TMC1: variants seen among roughly 807,000 people sequenced by gnomAD.
The protein encoded by TMC1 is transmembrane channel-like protein 1.
Under a neutral mutation model 105.8 loss-of-function variants are expected in TMC1, and 84 were observed. That is an observed-to-expected ratio of 0.79 (90% confidence interval 0.67 to 0.95). The LOEUF (loss-of-function observed/expected upper bound fraction) is 0.95. TMC1 is among the 40% of genes least tolerant of loss of function. The pLI is 0.00. For missense variants in TMC1, 817 were observed against 914.1 expected, an observed-to-expected ratio of 0.89 and a Z score of 1.37; for synonymous variants, 315 against 311.5, an observed-to-expected ratio of 1.01 and a Z score of -0.12.
rs57085174 is a variant in TMC1 at position 72,724,454 on chromosome 9, G to A, written c.363-15665G>A. ...CTCATGGCCGAATTATCTCTTAAAG[G>A]TCCCATCTCTTACTACTGTTACAAT... On this transcript the variant is annotated intron_variant, in intron 8 of 23. Coordinates refer to ENST00000297784, the MANE Select transcript of TMC1 (RefSeq NM_138691.3). Among the ~76,000 whole-genome samples the A allele has an allele frequency of 3.6e-3, 544 of 152,228 alleles. 2 individuals carry two copies. The highest frequency in any genetic ancestry group is 0.013 in the African/African-American group (520 of 41,520).
chr9:72,694,061 T>C (rs1481791787), intron 6 of TMC1, among the ~76,000 whole-genome samples: 1 of 152,160 alleles, frequency 6.6e-6, no homozygotes, highest in South Asian at 2.1e-4. Context: ...AAGGGTTGAA[T>C]GAATTTCTCC....
At chr9:72,667,638 A>G (rs1564478706) in intron 5 of TMC1, among the ~76,000 whole-genome samples, 1 of 152,208 alleles carries the variant, frequency 6.6e-6, no homozygotes, top group Non-Finnish European at 1.5e-5. Flanking sequence ...TAACACACGC[A>G]CCAGTTGGGT....
intron 18 of TMC1, among the ~76,000 whole-genome samples, chr9:72,812,114 G>T (rs748272260): frequency 7.2e-5 from 11 of 152,252 alleles, no homozygotes; most frequent in Admixed American, 4.6e-4. Context: ...CTTGACTCTA[G>T]AAATTTTAAA....
chr9:72,689,997 T>C (rs1214939752), intron 6 of TMC1, among the ~76,000 whole-genome samples: 1 of 152,104 alleles, frequency 6.6e-6, no homozygotes, highest in Non-Finnish European at 1.5e-5. Context: ...ATTTTGTTCA[T>C]TGTTTTCTGT....
intron 1 of TMC1, among the ~76,000 whole-genome samples, chr9:72,552,366 C>T (rs1412128802): frequency 1.3e-5 from 2 of 152,110 alleles, no homozygotes; most frequent in Admixed American, 1.3e-4. Context: ...GGAATCCCCC[C>T]CAGAAGAGAC....
chr9:72,547,783 T>C (rs1480218856), intron 1 of TMC1, among the ~76,000 whole-genome samples: 1 of 152,212 alleles, frequency 6.6e-6, no homozygotes, highest in Non-Finnish European at 1.5e-5. Context: ...CCCATGAACC[T>C]AGAAACAAAT....
intron 6 of TMC1, among the ~76,000 whole-genome samples, chr9:72,690,243 C>A (rs1826442338): frequency 6.6e-6 from 1 of 152,040 alleles, no homozygotes; most frequent in Non-Finnish European, 1.5e-5. Flanking sequence ...TTCTACTTTC[C>A]TTGACACTTA....
At chr9:72,655,859 C>T (rs1825875980) in intron 5 of TMC1, 2 of 759,748 alleles carry the variant, frequency 2.6e-6, no homozygotes, top group South Asian at 1.4e-5. Context: ...TGACTTCCAT[C>T]TCAACTCCTG....
intron 5 of TMC1, among the ~76,000 whole-genome samples, chr9:72,686,309 G>A (rs1197589728): frequency 6.6e-6 from 1 of 152,142 alleles, no homozygotes; most frequent in Non-Finnish European, 1.5e-5. Flanking sequence ...TTGGGAATAA[G>A]GTACTAGGGA....
chr9:72,625,376 G>A (rs1587996886), intron 3 of TMC1, among the ~76,000 whole-genome samples: 1 of 152,122 alleles, frequency 6.6e-6, no homozygotes, highest in East Asian at 1.9e-4. Context: ...TTGGTTGGGT[G>A]ATTTGGGGGA....
intron 8 of TMC1, among the ~76,000 whole-genome samples, chr9:72,719,519 G>A (rs754355426): frequency 6.6e-6 from 1 of 152,202 alleles, no homozygotes; most frequent in Non-Finnish European, 1.5e-5. Context: ...CACTTTTGCA[G>A]TTTGGGCACT....
Position 72,544,769 on chromosome 9 carries a change from C to T in TMC1, c.-428+22856C>T, listed in dbSNP as rs113633637. On this transcript the variant is annotated intron_variant, in intron 1 of 23. Transcript: ENST00000297784. The stretch of plus-strand genomic sequence containing the variant: ...TGCTGGGATTACAGGCATGAGCCAG[C>T]GCTCCCAGCCTTTTTACCTTTTTTT... 8.2e-3 allele frequency among the ~76,000 whole-genome samples: 1,180 copies of T among 143,794 alleles called. 23 individuals carry two copies. Among genetic ancestry groups the T allele is most frequent in the African/African-American group, 0.029 (1,109 of 38,660 alleles). 94.3% of individuals were successfully genotyped at this position (143,794 alleles called of 152,430 possible).
chr9:72,564,417 T>G (rs1824111866), intron 1 of TMC1, among the ~76,000 whole-genome samples: 1 of 152,246 alleles, frequency 6.6e-6, no homozygotes, highest in Non-Finnish European at 1.5e-5. Context: ...TTCTGCCAAG[T>G]GTTTTAAAAG....
At chr9:72,789,066 G>C (rs888126949) in intron 14 of TMC1, 57 bp from the exon 15 acceptor site, 1 of 1,534,226 alleles carries the variant, frequency 6.5e-7, no homozygotes, top group Non-Finnish European at 9.0e-7. Context: ...CTTTTAAAAT[G>C]TAGCTAAGAT....
chr9:72,539,361 G>A (rs1481708637), intron 1 of TMC1, among the ~76,000 whole-genome samples: 1 of 152,052 alleles, frequency 6.6e-6, no homozygotes, highest in Non-Finnish European at 1.5e-5. Flanking sequence ...ATCCTAGATC[G>A]TGCCACTGCA....
chr9:72,807,599 G>T (rs1828626738), intron 18 of TMC1, among the ~76,000 whole-genome samples: 1 of 152,150 alleles, frequency 6.6e-6, no homozygotes, highest in South Asian at 2.1e-4. Context: ...AGGGAAAGAT[G>T]GCTAATATCA....
intron 5 of TMC1, among the ~76,000 whole-genome samples, chr9:72,686,993 G>A (rs1220552208): frequency 1.3e-5 from 2 of 152,144 alleles, no homozygotes; most frequent in Non-Finnish European, 2.9e-5. Context: ...GTGGTTATTA[G>A]AGGAAACTGA....
chr9:72,656,030 G>T, intron 5 of TMC1: 1 of 736,776 alleles, frequency 1.4e-6, no homozygotes. Context: ...GTAGGCATTT[G>T]AACTGGTCTT....
At chr9:72,787,882 G>T (rs1045123549) in intron 13 of TMC1, among the ~76,000 whole-genome samples, 13 of 152,068 alleles carry the variant, frequency 8.5e-5, no homozygotes, top group Non-Finnish European at 1.2e-4. Context: ...TCTTTGCCTG[G>T]TTTAGTCCAT....
Sources: gnomAD v4.1 joint callset for allele counts (sites outside exome capture counted in the v4.1 genomes callset) on GRCh38, gnomAD v4.1.1 for gene constraint, MANE v1.5 for transcripts, NCBI Gene and HGNC (gene_info 2026-07-23, HGNC 2026-07-21) for gene names.